The following ST7 variants were observed in gnomAD, a reference collection of about 807,000 sequenced individuals.
ST7 encodes the protein suppressor of tumorigenicity 7 protein.
A neutral mutation model predicts 78.7 loss-of-function variants in ST7; 28 were observed. That is an observed-to-expected ratio of 0.36 (90% CI 0.26 to 0.49). The LOEUF (loss-of-function observed/expected upper bound fraction) is 0.49, where lower values mean the gene tolerates loss of function less well. ST7 is among the 20% of genes least tolerant of loss of function. The pLI, the probability that ST7 is intolerant of heterozygous loss-of-function variation, is 0.99. For missense variants in ST7, 418 were observed against 696.0 expected, an observed-to-expected ratio of 0.60 and a Z score of 4.49; for synonymous variants, 247 against 249.6, an observed-to-expected ratio of 0.99 and a Z score of 0.10.
intron 3 of ST7, among the ~76,000 whole-genome samples, chr7:117,122,854 A>G (rs1803513654): frequency 6.6e-6 from 1 of 152,228 alleles, no homozygotes; most frequent in African/African-American, 2.4e-5. Context: ...GAAAAATACT[A>G]AAAGGGTACA....
In ST7 at chr7:117,167,228, C is replaced by G. The variant is rs1229305472; in HGVS notation, c.964-3634C>G. On this transcript the variant is annotated intron_variant, in intron 9 of 15. Coordinates refer to ENST00000323984, the MANE Select transcript of ST7 (RefSeq NM_001369598.1). The stretch of plus-strand genomic sequence containing the variant: ...CTCTGCTATCCCTCCCCCCTCCCCC[C>G]ACCCCACAACAGTCCCCAGAGTGTG... 2.3e-4 allele frequency among the ~76,000 whole-genome samples: 32 copies of G among 137,246 alleles called. 1 individual carries two copies. Among genetic ancestry groups the G allele is most frequent in the Admixed American group, 2.1e-3 (28 of 13,632 alleles). The allele number at this position is 137,246 out of a possible 152,430, so 90.0% of individuals were successfully genotyped here.
At chr7:117,136,915 C>T (rs913801623) in intron 8 of ST7, 5 of 152,034 alleles carry the variant, frequency 3.3e-5, no homozygotes, top group South Asian at 2.1e-4. Flanking sequence ...AACAAAACAA[C>T]GAAATCATTT....
chr7:117,008,615 A>G (rs1795253144), intron 1 of ST7, among the ~76,000 whole-genome samples: 2 of 152,146 alleles, frequency 1.3e-5, no homozygotes, highest in African/African-American at 2.4e-5. Flanking sequence ...TTCTAATGTG[A>G]TAGGGAATGA....
intron 2 of ST7, among the ~76,000 whole-genome samples, chr7:117,117,387 GT>G (rs1197931870): frequency 1.3e-5 from 2 of 152,176 alleles, no homozygotes; most frequent in African/African-American, 4.8e-5. Context: ...TGTGATTGGT[GT>G]GGAACATGTA....
intron 1 of ST7, chr7:116,972,138 A>G (rs1367347186): frequency 5.4e-6 from 3 of 553,408 alleles, no homozygotes; most frequent in Non-Finnish European, 1.1e-5. Flanking sequence ...CAGAGGGAGG[A>G]GCAGCAGCAG....
intron 1 of ST7, chr7:117,020,729 A>C: frequency 2.0e-6 from 3 of 1,498,220 alleles, no homozygotes; most frequent in Non-Finnish European, 2.7e-6. Context: ...GGTCATTAAC[A>C]ACCTTTGTAT....
chr7:117,053,947 C>T lies in ST7; in HGVS notation c.152-45815C>T, dbSNP rs1219369084. Among the ~76,000 whole-genome samples, 10 of 151,938 alleles carry T rather than the reference C, an allele frequency of 6.6e-5. 1 individual carries two copies. The highest frequency in any genetic ancestry group is 6.6e-4 in the Admixed American group (10 of 15,248). ...CTGCCTCATGGGTTCAAGTGATTCT[C>T]CTGTCTCAGCCTCCCGAGTAGCTGG... is the stretch of plus-strand genomic sequence containing the variant. On this transcript the variant is annotated intron_variant, in intron 1 of 15. Transcript: ENST00000323984.
chr7:117,059,807 CAAAAA>C lies in ST7; in HGVS notation c.152-39933_152-39929del, dbSNP rs35792944. On this transcript the variant is annotated intron_variant, in intron 1 of 15. Coordinates refer to ENST00000323984, the MANE Select transcript of ST7 (RefSeq NM_001369598.1). Reference sequence around the variant, plus strand: ...GCTACTTAGTAAGACTTCATCTCTGCAAAAAAAAAAAAAAAAAAAAAAAAAATTAG... The same window carrying C: ...GCTACTTAGTAAGACTTCATCTCTGCAAAAAAAAAAAAAAAAAAAAATTAG... Among the ~76,000 whole-genome samples, 4 of 31,990 alleles carry C rather than the reference CAAAAA, an allele frequency of 1.3e-4. No individual in the cohort carries two copies. In the Admixed American group the frequency reaches 1.3e-3, roughly 11 times the overall value. The allele number at this position is 31,990 out of a possible 152,430, so 21.0% of individuals were successfully genotyped here.
chr7:116,962,006 A>C (rs554644386), intron 1 of ST7, among the ~76,000 whole-genome samples: 7 of 150,240 alleles, frequency 4.7e-5, no homozygotes, highest in African/African-American at 1.7e-4. Flanking sequence ...TCATTGTTCA[A>C]CTCTGACTTA....
chr7:117,130,764 C>A, intron 5 of ST7, 158 bp downstream of exon 5: 1 of 501,222 alleles, frequency 2.0e-6, no homozygotes, highest in Non-Finnish European at 3.5e-6. Context: ...ATTAAGTAAA[C>A]CTTTATCACA....
chr7:117,118,883 T>C (rs1803130307), intron 2 of ST7, among the ~76,000 whole-genome samples: 1 of 152,226 alleles, frequency 6.6e-6, no homozygotes, highest in African/African-American at 2.4e-5. Context: ...TTCCCTTTTG[T>C]AATTCACAGT....
At chr7:117,114,187 C>CTATTCCATATTCCTAAA in intron 2 of ST7, among the ~76,000 whole-genome samples, 1 of 151,520 alleles carries the variant, frequency 6.6e-6, no homozygotes, top group East Asian at 1.9e-4. Flanking sequence ...CACTCAGTTG[C>CTATTCCATATTCCTAAA]TATTCCATAT....
chr7:117,166,835 G>A (rs1465188289), intron 9 of ST7, among the ~76,000 whole-genome samples: 5 of 151,812 alleles, frequency 3.3e-5, no homozygotes, highest in Non-Finnish European at 5.9e-5. Context: ...CTTGCAGTGA[G>A]CTGAGATTGC....
intron 1 of ST7, among the ~76,000 whole-genome samples, chr7:117,003,617 A>AGAT (rs1217388381): frequency 4.6e-5 from 7 of 151,000 alleles, no homozygotes; most frequent in Non-Finnish European, 8.9e-5. Context: ...ACTTTGGGAG[A>AGAT]GATGGGGGTT....
At chr7:117,144,936 C>T (rs915015528) in intron 9 of ST7, among the ~76,000 whole-genome samples, 6 of 152,108 alleles carry the variant, frequency 3.9e-5, no homozygotes, top group Non-Finnish European at 7.4e-5. Context: ...TGGTGGCTCA[C>T]GCCTGTAATC....
intron 10 of ST7, among the ~76,000 whole-genome samples, chr7:117,177,448 C>T (rs1228594963): frequency 6.6e-6 from 1 of 152,216 alleles, no homozygotes; most frequent in African/African-American, 2.4e-5. Flanking sequence ...CATCCCTCCC[C>T]AGCCAGCCAT....
At chr7:117,198,381 A>G (rs1020898681) in intron 12 of ST7, 1 of 452,850 alleles carries the variant, frequency 2.2e-6, no homozygotes, top group African/African-American at 2.0e-5. Flanking sequence ...GGGCCACCCT[A>G]GCCTGAAGAA....
chr7:117,138,115 C>A (rs1315033212), intron 8 of ST7, among the ~76,000 whole-genome samples: 1 of 152,114 alleles, frequency 6.6e-6, no homozygotes, highest in Non-Finnish European at 1.5e-5. Context: ...TGCATCTTTA[C>A]CAAAAGAATG....
intron 1 of ST7, among the ~76,000 whole-genome samples, chr7:116,970,482 G>A (rs1438820030): frequency 6.6e-6 from 1 of 152,160 alleles, no homozygotes; most frequent in African/African-American, 2.4e-5. Flanking sequence ...CTTGCTTCCT[G>A]GTTTGCAGAT....
Sources: allele counts gnomAD v4.1 joint callset (sites outside exome capture counted in the v4.1 genomes callset), GRCh38; gene constraint gnomAD v4.1.1; transcripts MANE v1.5; gene names NCBI Gene and HGNC (gene_info 2026-07-23, HGNC 2026-07-21).